Variants in MMP7 observed in about 807,000 individuals in gnomAD.
The protein encoded by MMP7 is matrilysin.
MMP7 carries 26 observed loss-of-function variants against 31.5 expected under a neutral mutation model. The ratio of observed to expected loss-of-function variants is 0.83; its 90% CI spans 0.61 to 1.15. The LOEUF (loss-of-function observed/expected upper bound fraction) is 1.15. Ranked by LOEUF, MMP7 falls within the 50% of genes most tolerant of loss-of-function variation. The pLI, the probability that MMP7 is intolerant of heterozygous loss-of-function variation, is 0.00. For synonymous variants in MMP7, 142 were observed against 124.2 expected (o/e 1.14, Z -0.95); for missense variants, 367 against 326.5 (o/e 1.12, Z -0.96).
intron 5 of MMP7, 118 bp from the exon 6 acceptor site, chr11:102,520,922 T>C: frequency 1.5e-6 from 1 of 657,266 alleles, no homozygotes; most frequent in Non-Finnish European, 2.5e-6. Flanking sequence ...ACTCAGACCA[T>C]TTCTTGTCCC....
chr11:102,520,851 A>T, intron 5 of MMP7, 47 bp from the exon 6 acceptor site: 1 of 1,272,500 alleles, frequency 7.9e-7, no homozygotes, highest in South Asian at 1.3e-5. Flanking sequence ...GAAAATGCAT[A>T]AAAACCATCC....
chr11:102,524,826 G>T, intron 4 of MMP7, 110 bp downstream of exon 4: 1 of 1,236,470 alleles, frequency 8.1e-7, no homozygotes, highest in Non-Finnish European at 1.1e-6. Flanking sequence ...ACAGTGTTTG[G>T]CACTTAGCAA....
chr11:102,529,013 A>G (rs1185263656), intron 1 of MMP7, among the ~76,000 whole-genome samples: 1 of 152,196 alleles, frequency 6.6e-6, no homozygotes, highest in African/African-American at 2.4e-5. Flanking sequence ...AACTGAAGGA[A>G]CCAGTATTTG....
At chr11:102,530,479 C>T (rs1036821280) in intron 1 of MMP7, 114 bp downstream of exon 1, 70 of 834,092 alleles carry the variant, frequency 8.4e-5, no homozygotes, top group Non-Finnish European at 1.3e-4. Flanking sequence ...CGAAGAACCA[C>T]CCCAAAGAAA....
Position 102,525,019 on chromosome 11 carries a change from G to A in MMP7, c.530C>T (p.Ala177Val). 1.2e-6 allele frequency: 2 copies of A among 1,613,850 alleles called. No homozygotes were observed. Among genetic ancestry groups the A allele is most frequent in the Non-Finnish European group, 1.7e-6 (2 of 1,179,906 alleles). Residue 177 changes from alanine to valine, a missense_variant, in exon 4 of 6, where the codon GCT becomes GTT. Coordinates refer to ENST00000260227, the MANE Select transcript of MMP7 (RefSeq NM_002423.5). ...YPFDGPGNTL[A>V]HAFAPGTGLG... ...ACCTGTCCCAGGCGCAAAGGCATGA[G>A]CCAGCGTGTTTCCTGGCCCATCAAA...
At position 102,525,025 on chromosome 11, in the gene MMP7, G is replaced by A. The variant is rs542899524; in HGVS notation, c.524C>T (p.Thr175Met). The change falls in exon 4 of 6, where the codon ACG becomes ATG. Residue 175 changes from threonine to methionine, a missense_variant. Transcript: ENST00000260227. ...DSYPFDGPGN[T>M]LAHAFAPGTG... The stretch of plus-strand genomic sequence containing the variant: ...CCCAGGCGCAAAGGCATGAGCCAGC[G>A]TGTTTCCTGGCCCATCAAATGGGTA... The A allele has an allele frequency of 2.2e-5, 36 of 1,613,492 alleles. No individual in the cohort carries two copies. Among genetic ancestry groups the A allele is most frequent in the East Asian group, 1.6e-4 (7 of 44,836 alleles).
At chr11:102,522,345 G>C (rs966391563) in intron 5 of MMP7, among the ~76,000 whole-genome samples, 1 of 152,236 alleles carries the variant, frequency 6.6e-6, no homozygotes, top group Non-Finnish European at 1.5e-5. Flanking sequence ...TCTTTTTGCA[G>C]TGTATTCTCT....
At position 102,523,236 on chromosome 11, in the gene MMP7, T is replaced by C. The variant is rs1190707360; in HGVS notation, c.775+4A>G. 7 of 1,579,954 alleles carry C rather than the reference T, an allele frequency of 4.4e-6. No individual in the cohort carries two copies. The Admixed American group carries it at 1.2e-4, about 28-fold the overall frequency. Reference sequence around the variant, plus strand: ...ATCCTCTTATTTGAAATAATAAATATTACCATATAGTTTCTGAATGCCTTT... The same window carrying C: ...ATCCTCTTATTTGAAATAATAAATACTACCATATAGTTTCTGAATGCCTTT... On this transcript the variant is annotated splice_donor_region_variant and intron_variant, in intron 5 of 5. Transcript: ENST00000260227.
chr11:102,527,824 G>A lies in MMP7; in HGVS notation c.268C>T (p.Pro90Ser). The change falls in exon 2 of 6, where the codon CCA becomes TCA. Residue 90 changes from proline to serine, a missense_variant. Pro to Ser is a moderately conservative substitution (Grantham distance 74). Coordinates refer to ENST00000260227, the MANE Select transcript of MMP7 (RefSeq NM_002423.5). ...EIMQKPRCGV[P>S]DVAEYSLFPN... Reference sequence around the variant, plus strand: ...AATAGTGAGTATTCTGCAACATCTGGCACTCCACATCTGGGCTTCTGCATT... The same window carrying A: ...AATAGTGAGTATTCTGCAACATCTGACACTCCACATCTGGGCTTCTGCATT... 3 of 1,614,092 alleles carry A rather than the reference G, an allele frequency of 1.9e-6. No individual in the cohort carries two copies. The highest frequency in any genetic ancestry group is 2.5e-6 in the Non-Finnish European group (3 of 1,180,004).
chr11:102,522,799 C>T (rs1362616402), intron 5 of MMP7, among the ~76,000 whole-genome samples: 2 of 152,142 alleles, frequency 1.3e-5, no homozygotes, highest in African/African-American at 4.8e-5. Context: ...CGTGGTTAAC[C>T]GCTTTCTCTA....
chr11:102,524,326 T>G (rs1288895302), intron 4 of MMP7: 1 of 152,218 alleles, frequency 6.6e-6, no homozygotes, highest in Non-Finnish European at 1.5e-5. Context: ...TTGGGATTAT[T>G]TATGCCAGAG....
chr11:102,521,289 C>G (rs1858610366), intron 5 of MMP7, among the ~76,000 whole-genome samples: 1 of 152,156 alleles, frequency 6.6e-6, no homozygotes, highest in Non-Finnish European at 1.5e-5. Context: ...CCTCTGCCTC[C>G]TGGGTTCCGG....
rs769745773 is a variant in MMP7, at chr11:102,523,311, G to A, written c.704C>T (p.Thr235Ile). Reference protein sequence around the residue: ...SSDPNAVMYPTYGNGDPQNFK... With the variant: ...SSDPNAVMYPIYGNGDPQNFK... ...ATTTTGGGGATCTCCATTTCCATAG[G>A]TTGGATACATCACTGCATTAGGATC... Residue 235 changes from threonine to isoleucine, a missense_variant, in exon 5 of 6, where the codon ACC becomes ATC. Thr to Ile is a moderately conservative substitution (Grantham distance 89). Coordinates refer to ENST00000260227, the MANE Select transcript of MMP7 (RefSeq NM_002423.5). The A allele has an allele frequency of 2.5e-6, 4 of 1,612,936 alleles. No homozygotes were observed. In the South Asian group the frequency reaches 4.4e-5, roughly 18 times the overall value.
At chr11:102,526,115 C>A (rs573287368) in intron 3 of MMP7, among the ~76,000 whole-genome samples, 7 of 150,200 alleles carry the variant, frequency 4.7e-5, no homozygotes. Context: ...CAATTAAGAA[C>A]AATTTATGTA....
rs765446571 is a variant in MMP7 at position 102,527,691 on chromosome 11, A to G, written c.336-19T>C. ...TACGATCCTAGTAGCAAACAAGAAAACAATGTTTGACCCCTAGGAAACAGG... is the reference window on the plus strand; with the variant it reads ...TACGATCCTAGTAGCAAACAAGAAAGCAATGTTTGACCCCTAGGAAACAGG... On this transcript the variant is annotated intron_variant, in intron 2 of 5. Coordinates refer to ENST00000260227, the MANE Select transcript of MMP7 (RefSeq NM_002423.5). The G allele has an allele frequency of 1.2e-6, 2 of 1,608,996 alleles. No homozygotes were observed. The highest frequency in any genetic ancestry group is 1.7e-6 in the Non-Finnish European group (2 of 1,176,720).
At chr11:102,525,339 G>T (rs1858658087) in intron 3 of MMP7, among the ~76,000 whole-genome samples, 1 of 152,062 alleles carries the variant, frequency 6.6e-6, no homozygotes, top group Non-Finnish European at 1.5e-5. Flanking sequence ...CTACTTGGGA[G>T]GCTGAGGCTG....
rs1244846565 is a variant in MMP7, at chr11:102,530,657, CTG to C, written c.42_43del (p.Ser15ProfsTer14). On this transcript the variant is annotated frameshift_variant, in exon 1 of 6. Transcript: ENST00000260227. LOFTEE classifies it high-confidence loss of function. Reference sequence around the variant, plus strand: ...CTCCTGAGGCAGCGGCAGGGCCAGGCTGCCAGGCAGCAGGCACACAGCACACA... The same window carrying C: ...CTCCTGAGGCAGCGGCAGGGCCAGGCCCAGGCAGCAGGCACACAGCACACA... 6.2e-7 allele frequency: 1 copy of C among 1,613,912 alleles called. No homozygotes were observed. Among genetic ancestry groups the C allele is most frequent in the African/African-American group, 1.3e-5 (1 of 74,936 alleles).
intron 3 of MMP7, among the ~76,000 whole-genome samples, chr11:102,526,223 A>ATATATAT (rs200101403): frequency 8.4e-6 from 1 of 119,738 alleles, no homozygotes; most frequent in Non-Finnish European, 1.7e-5. Flanking sequence ...GTAAAAAAAA[A>ATATATAT]AAATATATAT....
At position 102,527,955 on chromosome 11, in the gene MMP7, T is replaced by A; in HGVS notation, c.137A>T (p.Asp46Val). ...ACTGTTGGCATTTTTTGTTTCTGAG[T>A]CATAGAGATAAAATCTCTTGAGATA... ...QDYLKRFYLY[D>V]SETKNANSLE... The change falls in exon 2 of 6, where the codon GAC becomes GTC. Residue 46 changes from aspartate (D) to valine (V), a missense_variant. Asp to Val is a radical substitution (Grantham distance 152). Transcript: ENST00000260227. 6.2e-7 allele frequency: 1 copy of A among 1,613,842 alleles called. No homozygotes were observed. Among genetic ancestry groups the A allele is most frequent in the Non-Finnish European group, 8.5e-7 (1 of 1,179,904 alleles).
Sources: gnomAD v4.1 joint callset for allele counts (sites outside exome capture counted in the v4.1 genomes callset) on GRCh38, gnomAD v4.1.1 for gene constraint, MANE v1.5 for transcripts, NCBI Gene and HGNC (gene_info 2026-07-23, HGNC 2026-07-21) for gene names.